AFG2A: variants seen among roughly 807,000 people sequenced by gnomAD.
The protein encoded by AFG2A is ATPase family gene 2 protein homolog A.
chr4:123,125,689 C>T, the AFG2A span, among the ~76,000 whole-genome samples: 1 of 152,164 alleles, frequency 6.6e-6, no homozygotes, highest in Non-Finnish European at 1.5e-5. Flanking sequence ...CTTTTCCCTT[C>T]TGCTGACTCT....
chr4:123,040,614 T>C, the AFG2A span, among the ~76,000 whole-genome samples: 2 of 152,252 alleles, frequency 1.3e-5, no homozygotes, highest in Non-Finnish European at 2.9e-5. Flanking sequence ...TGTGTCGCTG[T>C]TACATAGTCT....
At chr4:123,260,392 T>C in the AFG2A span, among the ~76,000 whole-genome samples, 1 of 152,242 alleles carries the variant, frequency 6.6e-6, no homozygotes, top group Non-Finnish European at 1.5e-5. Flanking sequence ...TAGCACAAGA[T>C]CTTCATGCCA....
chr4:123,099,515 T>C, the AFG2A span, among the ~76,000 whole-genome samples: 1 of 151,628 alleles, frequency 6.6e-6, no homozygotes, highest in Non-Finnish European at 1.5e-5. Context: ...TCATTTTGAG[T>C]TGAATGAGCC....
chr4:123,091,670 C>T, the AFG2A span, among the ~76,000 whole-genome samples: 1 of 152,162 alleles, frequency 6.6e-6, no homozygotes, highest in Non-Finnish European at 1.5e-5. Context: ...CAGGCTGTCA[C>T]ATTAAATTAA....
chr4:123,007,482 G>C, the AFG2A span, among the ~76,000 whole-genome samples: 1 of 150,720 alleles, frequency 6.6e-6, no homozygotes, highest in Non-Finnish European at 1.5e-5. Flanking sequence ...TCTCTGTACA[G>C]GGGAGCTGTT....
chr4:122,971,971 A>T, the AFG2A span, among the ~76,000 whole-genome samples: 1 of 151,754 alleles, frequency 6.6e-6, no homozygotes, highest in Non-Finnish European at 1.5e-5. Context: ...TTGACCTGTA[A>T]TTTTTTTTCC....
the AFG2A span, among the ~76,000 whole-genome samples, chr4:123,055,760 TC>T: frequency 6.6e-6 from 1 of 152,132 alleles, no homozygotes; most frequent in Non-Finnish European, 1.5e-5. Flanking sequence ...CTCTTGTTCT[TC>T]GGGATGTATG....
chr4:123,312,285 T>TG, the AFG2A span, among the ~76,000 whole-genome samples: 3 of 151,266 alleles, frequency 2.0e-5, no homozygotes, highest in South Asian at 6.3e-4. Flanking sequence ...CTATGAGGGG[T>TG]GGGGGAGGTA....
At chr4:123,261,588 G>T in the AFG2A span, among the ~76,000 whole-genome samples, 1 of 151,982 alleles carries the variant, frequency 6.6e-6, no homozygotes, top group Non-Finnish European at 1.5e-5. Context: ...TTGGATTTTG[G>T]TATCTAAGGG....
chr4:122,958,613 T>C, the AFG2A span, among the ~76,000 whole-genome samples: 1 of 152,226 alleles, frequency 6.6e-6, no homozygotes, highest in East Asian at 1.9e-4. Flanking sequence ...TAAACTCGGT[T>C]ACTGAATCCC....
the AFG2A span, among the ~76,000 whole-genome samples, chr4:123,055,726 G>GGA: frequency 6.6e-6 from 1 of 152,054 alleles, no homozygotes; most frequent in Non-Finnish European, 1.5e-5. Flanking sequence ...ACAGAGAGAG[G>GGA]GAGAGAGAGA....
chr4:123,002,128 C>G, the AFG2A span, among the ~76,000 whole-genome samples: 1 of 151,914 alleles, frequency 6.6e-6, no homozygotes, highest in African/African-American at 2.4e-5. Flanking sequence ...GATTGCAAGC[C>G]CTGCCTTTTT....
chr4:123,211,423 C>A, the AFG2A span, among the ~76,000 whole-genome samples: 42 of 152,146 alleles, frequency 2.8e-4, no homozygotes, highest in Middle Eastern at 3.4e-3. Flanking sequence ...AGAAAAAGAA[C>A]TGTAGGAAGA....
At chr4:123,307,702 A>G in the AFG2A span, among the ~76,000 whole-genome samples, 1 of 152,246 alleles carries the variant, frequency 6.6e-6, no homozygotes, top group Non-Finnish European at 1.5e-5. Context: ...GTCATGCACC[A>G]CATAATAACA....
At chr4:123,076,744 A>G in the AFG2A span, among the ~76,000 whole-genome samples, 194 of 152,196 alleles carry the variant, frequency 1.3e-3, no homozygotes, top group African/African-American at 4.4e-3. Context: ...AAAAGAAATC[A>G]ATGTAGAAAT....
chr4:123,088,461 T>C, the AFG2A span, among the ~76,000 whole-genome samples: 2 of 152,228 alleles, frequency 1.3e-5, no homozygotes, highest in Admixed American at 6.5e-5. Context: ...TTGCCAACTG[T>C]GTTTCTACTT....
At chr4:123,101,608 A>G in the AFG2A span, among the ~76,000 whole-genome samples, 1 of 151,934 alleles carries the variant, frequency 6.6e-6, no homozygotes, top group East Asian at 1.9e-4. Flanking sequence ...AATTTGTGAT[A>G]TTAGACTTAT....
At chr4:122,955,581 G>A in the AFG2A span, among the ~76,000 whole-genome samples, 2 of 152,096 alleles carry the variant, frequency 1.3e-5, no homozygotes, top group African/African-American at 4.8e-5. Context: ...TAGTCTTTTT[G>A]ACCTTTTATC....
chr4:123,254,403 A>G, the AFG2A span, among the ~76,000 whole-genome samples: 2 of 152,000 alleles, frequency 1.3e-5, no homozygotes, highest in Non-Finnish European at 2.9e-5. Flanking sequence ...ATCAGTATGG[A>G]CTTCCTTTTT....
Sources: allele counts gnomAD v4.1 joint callset (sites outside exome capture counted in the v4.1 genomes callset), GRCh38; gene constraint gnomAD v4.1.1; transcripts MANE v1.5; gene names NCBI Gene and HGNC (gene_info 2026-07-23, HGNC 2026-07-21).